HTR3B: variants seen among roughly 807,000 people sequenced by gnomAD.
The protein encoded by HTR3B is 5-hydroxytryptamine (serotonin) receptor 3B, ionotropic.
HTR3B carries 44 observed loss-of-function variants against 42.8 expected under a neutral mutation model. The observed-to-expected ratio is 1.03, with a 90% CI of 0.81 to 1.32. The LOEUF (loss-of-function observed/expected upper bound fraction) is 1.32. Among genes scored for constraint, HTR3B ranks in the 40% most tolerant of loss-of-function variants. The pLI is 0.00. For synonymous variants in HTR3B, 203 were observed against 209.0 expected, an observed-to-expected ratio of 0.97 and a Z score of 0.25; for missense variants, 527 against 536.5, an observed-to-expected ratio of 0.98 and a Z score of 0.17.
At chr11:113,917,608 T>C (rs1315572222) in intron 2 of HTR3B, among the ~76,000 whole-genome samples, 2 of 151,938 alleles carry the variant, frequency 1.3e-5, no homozygotes, top group East Asian at 3.9e-4. Context: ...ATATTTTTCT[T>C]TGTCTTTGGG....
upstream of HTR3B, among the ~76,000 whole-genome samples, chr11:113,904,086 T>G (rs922138964): frequency 8.5e-5 from 13 of 152,218 alleles, no homozygotes; most frequent in African/African-American, 2.9e-4. Flanking sequence ...TTTTTCTTTC[T>G]AGAGCATCTG....
At chr11:113,945,068 G>A (rs1163452569) in intron 8 of HTR3B, among the ~76,000 whole-genome samples, 1 of 152,064 alleles carries the variant, frequency 6.6e-6, no homozygotes, top group African/African-American at 2.4e-5. Context: ...GCCTCCCAAA[G>A]TGCTGAGATT....
intron 5 of HTR3B, among the ~76,000 whole-genome samples, 181 bp downstream of exon 5, chr11:113,932,639 T>A (rs61907912): frequency 1.0e-5 from 1 of 99,358 alleles, no homozygotes; most frequent in East Asian, 3.2e-4. Context: ...TAGGCCCCCA[T>A]AGTTGTTTTG....
chr11:113,936,563 A>AGAGAG (rs1950093995), intron 6 of HTR3B, among the ~76,000 whole-genome samples: 2 of 151,850 alleles, frequency 1.3e-5, no homozygotes. Flanking sequence ...GAGAGAGAGA[A>AGAGAG]AGAGAGAGAG....
intron 2 of HTR3B, among the ~76,000 whole-genome samples, chr11:113,926,369 G>A (rs527803015): frequency 4.0e-5 from 6 of 151,866 alleles, no homozygotes; most frequent in East Asian, 1.9e-4. Flanking sequence ...TTCAGTTCTC[G>A]TGGTTATATA....
upstream of HTR3B, among the ~76,000 whole-genome samples, chr11:113,904,132 A>G (rs1949716992): frequency 6.6e-6 from 1 of 152,192 alleles, no homozygotes; most frequent in African/African-American, 2.4e-5. Flanking sequence ...GTTATTGTAT[A>G]GAATTATGCA....
chr11:113,903,845 C>A (rs1949713869), upstream of HTR3B, among the ~76,000 whole-genome samples: 1 of 152,166 alleles, frequency 6.6e-6, no homozygotes, highest in African/African-American at 2.4e-5. Context: ...TCTGTGTATA[C>A]CACTCCCTTC....
In HTR3B at chr11:113,946,564, G is replaced by A. The variant is rs7943062; in HGVS notation, c.*427G>A. 0.16 allele frequency: 25,036 copies of A among 155,416 alleles called. 2,118 individuals carry two copies. The highest frequency in any genetic ancestry group is 0.17 in the Non-Finnish European group (12,070 of 69,988). 9.6% of individuals were successfully genotyped at this position (155,416 alleles called of 1,614,324 possible). On this transcript the variant is annotated 3_prime_UTR_variant, in exon 9 of 9. Coordinates refer to ENST00000260191, the MANE Select transcript of HTR3B (RefSeq NM_006028.5). ...AAATAAAAGGCTTTCTGCCTTCATT[G>A]CCTCTCCATTGAGTCCAGCTTCATA... is the stretch of plus-strand genomic sequence containing the variant.
intron 2 of HTR3B, among the ~76,000 whole-genome samples, chr11:113,916,451 G>C (rs1949855056): frequency 6.6e-6 from 1 of 152,116 alleles, no homozygotes; most frequent in Non-Finnish European, 1.5e-5. Flanking sequence ...CATTACTGTA[G>C]CATTATGGAA....
At position 113,928,588 on chromosome 11, in the gene HTR3B, A is replaced by G. The variant is rs575501891; in HGVS notation, c.214-2796A>G. Among the ~76,000 whole-genome samples the G allele has an allele frequency of 7.2e-5, 11 of 152,182 alleles. No homozygotes were observed. The South Asian group carries it at 2.1e-3, about 29-fold the overall frequency. On this transcript the variant is annotated intron_variant, in intron 2 of 8. Transcript: ENST00000260191. ...AGTATCATTCTGTTGCCCAGGCTGG[A>G]GTGCAGTGGCACAATCTTGGCTCAC...
intron 6 of HTR3B, among the ~76,000 whole-genome samples, chr11:113,935,320 T>C (rs1077683): frequency 6.6e-6 from 1 of 151,934 alleles, no homozygotes; most frequent in Admixed American, 6.6e-5. Context: ...TGGAGGCAGG[T>C]GCAATTTGAT....
At chr11:113,920,191 G>A (rs1949899512) in intron 2 of HTR3B, among the ~76,000 whole-genome samples, 1 of 150,958 alleles carries the variant, frequency 6.6e-6, no homozygotes, top group African/African-American at 2.4e-5. Context: ...ACCACGCCAG[G>A]CTAATTTTGT....
chr11:113,921,214 C>A (rs556443295), intron 2 of HTR3B, among the ~76,000 whole-genome samples: 2 of 150,682 alleles, frequency 1.3e-5, no homozygotes, highest in Admixed American at 6.6e-5. Context: ...GGCACGATCT[C>A]GGCTCACTGC....
At chr11:113,944,981 G>C (rs972544940) in intron 8 of HTR3B, among the ~76,000 whole-genome samples, 1 of 152,006 alleles carries the variant, frequency 6.6e-6, no homozygotes, top group Non-Finnish European at 1.5e-5. Context: ...GTTTTGGTTT[G>C]GTTTTTTGAG....
At chr11:113,944,827 T>C in intron 8 of HTR3B, 72 bp downstream of exon 8, 1 of 1,460,594 alleles carries the variant, frequency 6.8e-7, no homozygotes, top group East Asian at 2.3e-5. Context: ...GTTGATGATG[T>C]ACTAGGTATT....
At chr11:113,932,603 T>C (rs1215438804) in intron 5 of HTR3B, 145 bp downstream of exon 5, 10 of 740,390 alleles carry the variant, frequency 1.4e-5, no homozygotes, top group Non-Finnish European at 2.2e-5. Context: ...TGGCTCCTGC[T>C]GTAATCCAGA....
intron 2 of HTR3B, among the ~76,000 whole-genome samples, chr11:113,918,881 T>C (rs1485607584): frequency 6.6e-6 from 1 of 152,168 alleles, no homozygotes; most frequent in East Asian, 1.9e-4. Context: ...GGTCTTAAAC[T>C]CTTGACCTCA....
At chr11:113,939,690 T>G (rs972290051) in intron 6 of HTR3B, among the ~76,000 whole-genome samples, 45 of 152,154 alleles carry the variant, frequency 3.0e-4, no homozygotes, top group Admixed American at 2.9e-3. Flanking sequence ...CTTGTTTTCT[T>G]TACATAGGGA....
At chr11:113,939,321 C>G (rs1289559020) in intron 6 of HTR3B, among the ~76,000 whole-genome samples, 5 of 152,204 alleles carry the variant, frequency 3.3e-5, no homozygotes, top group Non-Finnish European at 7.3e-5. Flanking sequence ...ATCCTTCTGA[C>G]AGGGTCAGCT....
Sources: allele counts gnomAD v4.1 joint callset (sites outside exome capture counted in the v4.1 genomes callset), GRCh38; gene constraint gnomAD v4.1.1; transcripts MANE v1.5; gene names NCBI Gene and HGNC (gene_info 2026-07-23, HGNC 2026-07-21).